PLD5: variants seen among roughly 807,000 people sequenced by gnomAD.
PLD5 encodes phospholipase D family member 5.
Under a neutral mutation model 61.1 loss-of-function variants are expected in PLD5, and 36 were observed. The ratio of observed to expected loss-of-function variants is 0.59; its 90% confidence interval spans 0.45 to 0.78. PLD5 has a LOEUF of 0.78. Among genes scored for constraint, PLD5 ranks in the 30% least tolerant of loss-of-function variants. PLD5 has a pLI of 0.00. For synonymous variants in PLD5, 243 were observed against 242.8 expected, an observed-to-expected ratio of 1.00 and a Z score of -0.01; for missense variants, 515 against 644.4, an observed-to-expected ratio of 0.80 and a Z score of 2.17.
rs1669391098 is a variant in PLD5 at position 242,524,588 on chromosome 1, G to T, written c.-312C>A. The T allele has an allele frequency of 1.3e-5, 3 of 233,094 alleles. No individual in the cohort carries two copies. Among genetic ancestry groups the T allele is most frequent in the East Asian group, 1.6e-4 (2 of 12,138 alleles). The allele number at this position is 233,094 out of a possible 1,614,324, so 14.4% of individuals were successfully genotyped here. On this transcript the variant is annotated 5_prime_UTR_variant, in exon 1 of 10. Transcript: ENST00000536534. Reference sequence around the variant, plus strand: ...AGGGGGACGAGAGGGGACAGGGAGGGAAAGGAACCTGCTCCGGGGAGACAG... The same window carrying T: ...AGGGGGACGAGAGGGGACAGGGAGGTAAAGGAACCTGCTCCGGGGAGACAG...
chr1:242,442,496 A>G (rs921364207), intron 1 of PLD5, among the ~76,000 whole-genome samples: 1 of 152,232 alleles, frequency 6.6e-6, no homozygotes, highest in Non-Finnish European at 1.5e-5. Flanking sequence ...AAGCTTAAAA[A>G]TAAGCAGATC....
At chr1:242,319,692 G>C (rs534117558) in intron 2 of PLD5, among the ~76,000 whole-genome samples, 1 of 152,056 alleles carries the variant, frequency 6.6e-6, no homozygotes, top group Non-Finnish European at 1.5e-5. Flanking sequence ...CTCAGGTATG[G>C]GACAAAGGAC....
chr1:242,409,601 C>T (rs1487082482), intron 1 of PLD5, among the ~76,000 whole-genome samples: 1 of 152,004 alleles, frequency 6.6e-6, no homozygotes, highest in African/African-American at 2.4e-5. Context: ...GGAAGAAGCT[C>T]CCCCATACAG....
chr1:242,119,530 A>G (rs538316540), intron 6 of PLD5, among the ~76,000 whole-genome samples: 1 of 152,328 alleles, frequency 6.6e-6, no homozygotes, highest in African/African-American at 2.4e-5. Context: ...AATGGGCAAA[A>G]GATTTCATAT....
At chr1:242,391,843 A>G (rs975489895) in intron 1 of PLD5, among the ~76,000 whole-genome samples, 1 of 152,156 alleles carries the variant, frequency 6.6e-6, no homozygotes, top group African/African-American at 2.4e-5. Context: ...AAACATACAA[A>G]AGGCAGAGAT....
intron 5 of PLD5, among the ~76,000 whole-genome samples, chr1:242,180,994 A>C (rs1416107603): frequency 1.3e-5 from 2 of 151,904 alleles, no homozygotes; most frequent in Non-Finnish European, 2.9e-5. Context: ...AAAAACAAAC[A>C]AACAAACAAA....
intron 5 of PLD5, among the ~76,000 whole-genome samples, chr1:242,156,651 A>C (rs941552153): frequency 2.0e-5 from 3 of 151,872 alleles, no homozygotes; most frequent in African/African-American, 7.3e-5. Flanking sequence ...GTTGAAAATT[A>C]TTTTCTTTAA....
chr1:242,472,154 C>T (rs1378631952), intron 1 of PLD5, among the ~76,000 whole-genome samples: 7 of 152,184 alleles, frequency 4.6e-5, no homozygotes, highest in Admixed American at 3.9e-4. Flanking sequence ...TTAAATTGGA[C>T]TTGTTCACAG....
In PLD5 at chr1:242,089,860, G is replaced by A. The variant is rs373263370; in HGVS notation, c.1605C>T (p.Asn535=). 77 of 1,613,958 alleles carry A rather than the reference G, an allele frequency of 4.8e-5. 1 individual carries two copies. The South Asian group carries it at 5.2e-4, about 11-fold the overall frequency. ...TDDTGGKDPR[N]V Reference sequence around the variant, plus strand: ...TGTCAGTTTCTTCATCATGTTATACGTTCCGGGGATCCTTTCCGCCTGTGT... The same window carrying A: ...TGTCAGTTTCTTCATCATGTTATACATTCCGGGGATCCTTTCCGCCTGTGT... Residue 535 remains asparagine (N), a synonymous_variant, in exon 10 of 10, where the codon AAC becomes AAT. Coordinates refer to ENST00000536534, the MANE Select transcript of PLD5 (RefSeq NM_001372062.1).
intron 2 of PLD5, among the ~76,000 whole-genome samples, chr1:242,346,573 C>A (rs2149218285): frequency 6.6e-6 from 1 of 152,266 alleles, no homozygotes; most frequent in South Asian, 2.1e-4. Flanking sequence ...GCTTTCATTA[C>A]AGTAATCACA....
chr1:242,216,040 C>T (rs1367138326), intron 5 of PLD5, among the ~76,000 whole-genome samples: 1 of 152,110 alleles, frequency 6.6e-6, no homozygotes, highest in Non-Finnish European at 1.5e-5. Flanking sequence ...GTTAACATAC[C>T]CCCAGCGGGG....
chr1:242,423,051 A>C (rs1665233379), intron 1 of PLD5, among the ~76,000 whole-genome samples: 1 of 151,660 alleles, frequency 6.6e-6, no homozygotes, highest in Non-Finnish European at 1.5e-5. Flanking sequence ...AAGTCTCACT[A>C]TGTTGCCCAG....
At chr1:242,368,724 A>G (rs888527118) in intron 1 of PLD5, among the ~76,000 whole-genome samples, 3 of 152,182 alleles carry the variant, frequency 2.0e-5, no homozygotes, top group Non-Finnish European at 2.9e-5. Flanking sequence ...GTGGAGCCCC[A>G]TGGTGAACAT....
At chr1:242,382,127 G>GAAAAAAAA (rs763298170) in intron 1 of PLD5, among the ~76,000 whole-genome samples, 1 of 42,706 alleles carries the variant, frequency 2.3e-5, no homozygotes. Context: ...GACTTTGACA[G>GAAAAAAAA]CAAAAAAAAA....
chr1:242,392,909 A>C (rs1392639829), intron 1 of PLD5, among the ~76,000 whole-genome samples: 1 of 152,046 alleles, frequency 6.6e-6, no homozygotes, highest in Non-Finnish European at 1.5e-5. Flanking sequence ...GTAAGCAATA[A>C]AAGTATTTTT....
chr1:242,238,348 A>G (rs1225348438), intron 4 of PLD5, among the ~76,000 whole-genome samples: 1 of 152,192 alleles, frequency 6.6e-6, no homozygotes, highest in African/African-American at 2.4e-5. Context: ...CCTGCACTTC[A>G]TGGATACTCT....
intron 4 of PLD5, among the ~76,000 whole-genome samples, chr1:242,255,822 G>T (rs1672981219): frequency 6.6e-6 from 1 of 152,060 alleles, no homozygotes; most frequent in African/African-American, 2.4e-5. Context: ...GTAGCTAAAA[G>T]AACACCAGAA....
At chr1:242,469,139 T>C (rs2102946632) in intron 1 of PLD5, among the ~76,000 whole-genome samples, 1 of 152,276 alleles carries the variant, frequency 6.6e-6, no homozygotes, top group East Asian at 1.9e-4. Flanking sequence ...ACAATAAATA[T>C]CCTAAAAATA....
intron 9 of PLD5, among the ~76,000 whole-genome samples, chr1:242,091,403 A>C (rs1456456997): frequency 6.6e-6 from 1 of 152,114 alleles, no homozygotes; most frequent in Non-Finnish European, 1.5e-5. Context: ...GAGTAATGCC[A>C]TTTTCAGTTC....
Sources: allele counts gnomAD v4.1 joint callset (sites outside exome capture counted in the v4.1 genomes callset), GRCh38; gene constraint gnomAD v4.1.1; transcripts MANE v1.5; gene names NCBI Gene and HGNC (gene_info 2026-07-23, HGNC 2026-07-21).